The following FILIP1 variants were observed in gnomAD, a reference collection of about 807,000 sequenced individuals.
FILIP1 encodes filamin A interacting protein 1.
A neutral mutation model predicts 102.1 loss-of-function variants in FILIP1; 61 were observed. That is an observed-to-expected ratio of 0.60 (90% CI 0.49 to 0.74). The LOEUF is 0.74. Among genes scored for constraint, FILIP1 ranks in the 30% least tolerant of loss-of-function variants. The pLI is 0.00. For synonymous variants in FILIP1, 491 were observed against 526.9 expected, an observed-to-expected ratio of 0.93 and a Z score of 0.93; for missense variants, 1,314 against 1,441.2, an observed-to-expected ratio of 0.91 and a Z score of 1.43.
chr6:75,430,269 C>T (rs978202252), intron 1 of FILIP1, among the ~76,000 whole-genome samples: 1 of 152,138 alleles, frequency 6.6e-6, no homozygotes, highest in Non-Finnish European at 1.5e-5. Flanking sequence ...TCAATTAAAC[C>T]TCTTTTGTTT....
At position 75,443,797 on chromosome 6, in the gene FILIP1, T is replaced by TA. The variant is rs559765099; in HGVS notation, c.-6-28820dup. ...GTGTTATGTTATCTGCCTGACTACT[T>TA]AGGCATCTAAGTTTTTGATAAAATG... On this transcript the variant is annotated intron_variant, in intron 1 of 5. Coordinates refer to ENST00000237172, the MANE Select transcript of FILIP1 (RefSeq NM_015687.5). Among the ~76,000 whole-genome samples, 1,068 of 152,310 alleles carry TA rather than the reference T, an allele frequency of 7.0e-3. 16 individuals carry two copies. The highest frequency in any genetic ancestry group is 0.024 in the African/African-American group (1,003 of 41,566).
chr6:75,314,415 C>G lies in FILIP1; in HGVS notation c.1417G>C (p.Val473Leu), dbSNP rs1252300138. Reference protein sequence around the residue: ...TKDLLNELEVVKSRVKELECS... With the variant: ...TKDLLNELEVLKSRVKELECS... ...TCCAATTCTTTAACTCGACTCTTGA[C>G]CACCTCCAATTCATTTAGCAGGTCT... Residue 473 changes from valine to leucine, a missense_variant, in exon 5 of 6, where the codon GTC (valine) becomes CTC (leucine). Val to Leu is a conservative substitution (Grantham distance 32). Transcript: ENST00000237172. 3 of 1,547,950 alleles carry G rather than the reference C, an allele frequency of 1.9e-6. No individual in the cohort carries two copies. Among genetic ancestry groups the G allele is most frequent in the Non-Finnish European group, 2.6e-6 (3 of 1,155,388 alleles).
intron 4 of FILIP1, among the ~76,000 whole-genome samples, chr6:75,321,113 G>T (rs879681198): frequency 2.6e-5 from 4 of 151,938 alleles, no homozygotes; most frequent in Non-Finnish European, 4.4e-5. Context: ...TTACTATGTT[G>T]TTCAGGCTGG....
chr6:75,342,966 G>A (rs1379169114), intron 4 of FILIP1, among the ~76,000 whole-genome samples: 11 of 152,170 alleles, frequency 7.2e-5, no homozygotes, highest in Non-Finnish European at 1.3e-4. Flanking sequence ...CTTCGACAAA[G>A]ACTAAATTGT....
intron 1 of FILIP1, among the ~76,000 whole-genome samples, chr6:75,492,185 A>T (rs1779981126): frequency 6.6e-6 from 1 of 152,226 alleles, no homozygotes; most frequent in Admixed American, 6.5e-5. Context: ...AAAACATAAC[A>T]CATACTGAAA....
intron 4 of FILIP1, among the ~76,000 whole-genome samples, chr6:75,315,594 A>G (rs1773418540): frequency 6.6e-6 from 1 of 152,268 alleles, no homozygotes; most frequent in African/African-American, 2.4e-5. Context: ...GACTATTTAC[A>G]TAATGTCTTC....
chr6:75,392,279 T>C (rs1228044769), intron 2 of FILIP1, among the ~76,000 whole-genome samples: 2 of 152,162 alleles, frequency 1.3e-5, no homozygotes, highest in African/African-American at 2.4e-5. Context: ...AGCATCTATA[T>C]ACATGTGACT....
intron 2 of FILIP1, among the ~76,000 whole-genome samples, chr6:75,366,671 T>G (rs1012699324): frequency 6.6e-6 from 1 of 152,200 alleles, no homozygotes; most frequent in African/African-American, 2.4e-5. Flanking sequence ...TAGCAATGAT[T>G]TACTATGGTT....
chr6:75,450,677 T>C (rs1374302396), intron 1 of FILIP1, among the ~76,000 whole-genome samples: 1 of 145,448 alleles, frequency 6.9e-6, no homozygotes, highest in Non-Finnish European at 1.5e-5. Context: ...AAAGAGTGGC[T>C]GGGCACGGTG....
intron 4 of FILIP1, among the ~76,000 whole-genome samples, chr6:75,350,504 A>G (rs190686797): frequency 3.3e-5 from 5 of 150,356 alleles, no homozygotes; most frequent in African/African-American, 1.2e-4. Flanking sequence ...TCTATGAGAG[A>G]GGGGATTAAA....
At chr6:75,353,750 T>A in intron 3 of FILIP1, 33 bp from the exon 4 acceptor site, 1 of 1,600,948 alleles carries the variant, frequency 6.2e-7, no homozygotes. Flanking sequence ...GGGCTTAATA[T>A]TTTATTGCAT....
chr6:75,429,688 A>G (rs1777757404), intron 1 of FILIP1, among the ~76,000 whole-genome samples: 1 of 152,172 alleles, frequency 6.6e-6, no homozygotes, highest in Non-Finnish European at 1.5e-5. Flanking sequence ...TGGAAGGCCT[A>G]AGGAACATGC....
chr6:75,292,914 T>C (rs1418104597), exon 7 of FILIP1: 1 of 152,198 alleles, frequency 6.6e-6, no homozygotes, highest in Non-Finnish European at 1.5e-5. Flanking sequence ...ATTACTGCAG[T>C]AGCGCTGTTG....
At chr6:75,362,481 T>C (rs980516300) in intron 3 of FILIP1, among the ~76,000 whole-genome samples, 3 of 152,226 alleles carry the variant, frequency 2.0e-5, no homozygotes, top group Admixed American at 1.3e-4. Flanking sequence ...AAGAATAATA[T>C]ACTGCAAGAG....
chr6:75,323,726 GA>G (rs1451917296), intron 4 of FILIP1, among the ~76,000 whole-genome samples: 1 of 152,220 alleles, frequency 6.6e-6, no homozygotes, highest in Non-Finnish European at 1.5e-5. Context: ...CAAACTGGTA[GA>G]AAGGAAGTGA....
rs117950079 is a variant in FILIP1 at position 75,300,688 on chromosome 6, G to A, written c.3494-4738C>T. Among the ~76,000 whole-genome samples the A allele has an allele frequency of 2.1e-3, 324 of 152,196 alleles. 2 individuals carry two copies. Among genetic ancestry groups the A allele is most frequent in the Non-Finnish European group, 3.8e-3 (257 of 67,996 alleles). On this transcript the variant is annotated intron_variant, in intron 6 of 6. Transcript: ENST00000393004. ...GATTTGGACTTGTATTCCTCTTTTG[G>A]ATTCAGCTTAGCTAATTAAAAATAC...
chr6:75,429,325 A>T (rs910754542), intron 1 of FILIP1, among the ~76,000 whole-genome samples: 1 of 152,152 alleles, frequency 6.6e-6, no homozygotes, highest in African/African-American at 2.4e-5. Context: ...CAAGAGGCCA[A>T]CTCTGTGTGT....
intron 2 of FILIP1, chr6:75,367,201 T>G (rs1026348850): frequency 2.6e-5 from 4 of 152,220 alleles, no homozygotes; most frequent in African/African-American, 9.7e-5. Flanking sequence ...CTACATATAC[T>G]AAATATTTCA....
intron 4 of FILIP1, among the ~76,000 whole-genome samples, chr6:75,321,646 T>G (rs1773662738): frequency 6.6e-6 from 1 of 151,606 alleles, no homozygotes. Context: ...TACAAAAAAT[T>G]AGCCGGGCGC....
Sources: gnomAD v4.1 joint callset for allele counts (sites outside exome capture counted in the v4.1 genomes callset) on GRCh38, gnomAD v4.1.1 for gene constraint, MANE v1.5 for transcripts, NCBI Gene and HGNC (gene_info 2026-07-23, HGNC 2026-07-21) for gene names.